The following FYN variants were observed in gnomAD, a reference collection of about 807,000 sequenced individuals.
FYN encodes the protein FYN proto-oncogene, Src family tyrosine kinase.
Under a neutral mutation model 70.2 loss-of-function variants are expected in FYN, and 10 were observed. The ratio of observed to expected loss-of-function variants is 0.14; its 90% confidence interval spans 0.09 to 0.24. The LOEUF (loss-of-function observed/expected upper bound fraction) is 0.24. Ranked by LOEUF, FYN falls within the 10% of genes least tolerant of loss-of-function variation. The pLI is 1.00. For missense variants in FYN, 319 were observed against 673.1 expected (o/e 0.47, Z 5.82); for synonymous variants, 236 against 248.6 (o/e 0.95, Z 0.48).
intron 3 of FYN, among the ~76,000 whole-genome samples, chr6:111,761,128 C>T (rs926986879): frequency 2.0e-5 from 3 of 152,214 alleles, no homozygotes; most frequent in Admixed American, 6.5e-5. Context: ...ATATCTACAA[C>T]TCAACATACA....
At chr6:111,862,087 A>C (rs111444416) in intron 1 of FYN, among the ~76,000 whole-genome samples, 51 of 152,292 alleles carry the variant, frequency 3.3e-4, no homozygotes, top group African/African-American at 1.1e-3. Flanking sequence ...TTTCAGGCCC[A>C]ACAATACTGG....
chr6:111,713,039 C>T (rs1800460442), intron 5 of FYN, among the ~76,000 whole-genome samples: 1 of 152,040 alleles, frequency 6.6e-6, no homozygotes, highest in African/African-American at 2.4e-5. Context: ...CACCCCACAC[C>T]TTTGTTAATG....
At chr6:111,712,048 C>T (rs532276582) in intron 5 of FYN, among the ~76,000 whole-genome samples, 44 of 152,290 alleles carry the variant, frequency 2.9e-4, no homozygotes, top group Admixed American at 2.6e-4. Flanking sequence ...GAGATTGAGA[C>T]GGATTGGATC....
At chr6:111,666,463 C>T (rs1330617410) in intron 13 of FYN, among the ~76,000 whole-genome samples, 2 of 152,164 alleles carry the variant, frequency 1.3e-5, no homozygotes, top group Admixed American at 6.5e-5. Context: ...CCCTTCTAGC[C>T]TCACGGGAGC....
chr6:111,830,603 G>A (rs1772986111), intron 2 of FYN, among the ~76,000 whole-genome samples: 2 of 152,014 alleles, frequency 1.3e-5, no homozygotes, highest in Admixed American at 1.3e-4. Flanking sequence ...ATAACAGAAG[G>A]GACAAAAGTG....
intron 2 of FYN, among the ~76,000 whole-genome samples, chr6:111,785,824 C>T (rs547014826): frequency 2.1e-5 from 3 of 140,654 alleles, no homozygotes; most frequent in African/African-American, 5.4e-5. Flanking sequence ...CTCCCTCCCC[C>T]GACCCCACGA....
At chr6:111,685,247 C>G (rs750638728) in intron 12 of FYN, among the ~76,000 whole-genome samples, 27 of 152,226 alleles carry the variant, frequency 1.8e-4, no homozygotes, top group Non-Finnish European at 2.9e-4. Flanking sequence ...CCAGAAGGGG[C>G]AGAGGGCCCG....
chr6:111,793,210 C>T lies in FYN; in HGVS notation c.-81-12575G>A, dbSNP rs9374290. Among the ~76,000 whole-genome samples the T allele has an allele frequency of 1.8e-3, 274 of 152,296 alleles. 7 individuals carry two copies. In the East Asian group the frequency reaches 0.051, roughly 28 times the overall value. On this transcript the variant is annotated intron_variant, in intron 2 of 13. Coordinates refer to ENST00000354650, the MANE Select transcript of FYN (RefSeq NM_002037.5). Reference sequence around the variant, plus strand: ...TCATTAAATTACGTTTTTTAATTCACTTTAAGATGAATGTCAGGCCAAAGC... The same window carrying T: ...TCATTAAATTACGTTTTTTAATTCATTTTAAGATGAATGTCAGGCCAAAGC...
chr6:111,688,127 T>C (rs1424037945), intron 12 of FYN, among the ~76,000 whole-genome samples: 1 of 152,238 alleles, frequency 6.6e-6, no homozygotes, highest in African/African-American at 2.4e-5. Flanking sequence ...CAACAACTTC[T>C]ACTAATTGTC....
chr6:111,778,639 G>T (rs998132337), intron 3 of FYN, among the ~76,000 whole-genome samples: 1 of 151,290 alleles, frequency 6.6e-6, no homozygotes, highest in Admixed American at 6.6e-5. Context: ...CGTAGTCTTG[G>T]CTTACTGCAA....
At chr6:111,741,941 T>C (rs967959215) in intron 3 of FYN, among the ~76,000 whole-genome samples, 1 of 152,228 alleles carries the variant, frequency 6.6e-6, no homozygotes, top group Non-Finnish European at 1.5e-5. Context: ...CACTAGGCTA[T>C]GCCATATTGC....
At chr6:111,747,695 C>A (rs534732547) in intron 3 of FYN, among the ~76,000 whole-genome samples, 17 of 152,204 alleles carry the variant, frequency 1.1e-4, no homozygotes, top group Non-Finnish European at 2.2e-4. Context: ...AAGCTCTCAG[C>A]CCTGGGTGGA....
At chr6:111,792,406 A>G (rs1771656078) in intron 2 of FYN, among the ~76,000 whole-genome samples, 1 of 152,210 alleles carries the variant, frequency 6.6e-6, no homozygotes, top group Non-Finnish European at 1.5e-5. Flanking sequence ...GTGTCCACTG[A>G]TAACTGGCAG....
At chr6:111,813,410 T>G (rs766054264) in intron 2 of FYN, among the ~76,000 whole-genome samples, 30 of 152,244 alleles carry the variant, frequency 2.0e-4, no homozygotes, top group Non-Finnish European at 3.7e-4. Flanking sequence ...ATAATCATAC[T>G]GCACTAGCCT....
Position 111,802,129 on chromosome 6 carries a change from G to A in FYN, c.-81-21494C>T, listed in dbSNP as rs1772005229. 2.0e-5 allele frequency among the ~76,000 whole-genome samples: 3 copies of A among 152,274 alleles called. No homozygotes were observed. In the South Asian group the frequency reaches 6.2e-4, roughly 32 times the overall value. On this transcript the variant is annotated intron_variant, in intron 2 of 13. Coordinates refer to ENST00000354650, the MANE Select transcript of FYN (RefSeq NM_002037.5). ...AGATGTTGGAGGTGGGGCCTGGTGG[G>A]AGGTGACTGGATCATGGGGGCAGAT...
At chr6:111,727,701 T>C (rs1229667281) in intron 3 of FYN, among the ~76,000 whole-genome samples, 5 of 152,220 alleles carry the variant, frequency 3.3e-5, no homozygotes, top group Admixed American at 1.3e-4. Context: ...CGCATGACTT[T>C]GCAAAGGTTC....
chr6:111,747,589 C>A (rs1802285359), intron 3 of FYN, among the ~76,000 whole-genome samples: 1 of 152,186 alleles, frequency 6.6e-6, no homozygotes, highest in African/African-American at 2.4e-5. Flanking sequence ...ACTGCCTGTC[C>A]TCTGAAGTGA....
chr6:111,834,731 A>G (rs1773124280), intron 2 of FYN, among the ~76,000 whole-genome samples: 2 of 152,198 alleles, frequency 1.3e-5, no homozygotes, highest in East Asian at 3.9e-4. Context: ...GTGCTGGCCT[A>G]GGTCTCCCAC....
chr6:111,831,726 C>T (rs1163070881), intron 2 of FYN, among the ~76,000 whole-genome samples: 1 of 152,182 alleles, frequency 6.6e-6, no homozygotes, highest in Non-Finnish European at 1.5e-5. Context: ...TGTCTGAATT[C>T]TGAAAATGAG....
Sources: gnomAD v4.1 joint callset for allele counts (sites outside exome capture counted in the v4.1 genomes callset) on GRCh38, gnomAD v4.1.1 for gene constraint, MANE v1.5 for transcripts, NCBI Gene and HGNC (gene_info 2026-07-23, HGNC 2026-07-21) for gene names.